The following CRMP1 variants were observed in gnomAD, a reference collection of about 807,000 sequenced individuals.
CRMP1 encodes the protein dihydropyrimidinase-related protein 1.
A neutral mutation model predicts 68.3 loss-of-function variants in CRMP1; 19 were observed. That is an observed-to-expected ratio of 0.28 (90% CI 0.19 to 0.41). The LOEUF is 0.41. Among genes scored for constraint, CRMP1 ranks in the 10% least tolerant of loss-of-function variants. The pLI, the probability that CRMP1 is intolerant of heterozygous loss-of-function variation, is 1.00. For missense variants in CRMP1, 791 were observed against 967.4 expected (o/e 0.82, Z 2.42); for synonymous variants, 439 against 399.6 (o/e 1.10, Z -1.18).
In CRMP1 at chr4:5,851,400, G is replaced by A. The variant is rs759795106; in HGVS notation, c.882+8C>T. 6.2e-7 allele frequency: 1 copy of A among 1,613,762 alleles called. No individual in the cohort carries two copies. Among genetic ancestry groups the A allele is most frequent in the Admixed American group, 1.7e-5 (1 of 60,026 alleles). On this transcript the variant is annotated splice_region_variant and intron_variant, in intron 5 of 13. Coordinates refer to ENST00000324989, the MANE Select transcript of CRMP1 (RefSeq NM_001014809.3). Reference sequence around the variant, plus strand: ...CAAGAGAGGAGAGAGTGAGTGTGAGGGACCTACCTGGCTGTCGGACATTTG... The same window carrying A: ...CAAGAGAGGAGAGAGTGAGTGTGAGAGACCTACCTGGCTGTCGGACATTTG...
intron 12 of CRMP1, 166 bp downstream of exon 12, chr4:5,828,323 C>T (rs776139222): frequency 2.1e-5 from 21 of 981,858 alleles, no homozygotes; most frequent in Non-Finnish European, 2.3e-5. Flanking sequence ...CTCCTGTCCT[C>T]AGACAGGAGC....
Position 5,861,281 on chromosome 4 carries a change from C to T in CRMP1, c.471-71G>A, listed in dbSNP as rs534671106. On this transcript the variant is annotated intron_variant, in intron 2 of 13. Coordinates refer to ENST00000324989, the MANE Select transcript of CRMP1 (RefSeq NM_001014809.3). The surrounding 1 kb of genome is among the most constrained non-coding windows in gnomAD (Gnocchi z 6.0). ...AGAATGGGCAGTCAACCCGCAGCTTCAGTTCCATGAAATAAACATTTCTGA... is the reference window on the plus strand; with the variant it reads ...AGAATGGGCAGTCAACCCGCAGCTTTAGTTCCATGAAATAAACATTTCTGA... 2.4e-4 allele frequency: 350 copies of T among 1,467,252 alleles called. 1 individual carries two copies. The African/African-American group carries it at 3.4e-3, about 14-fold the overall frequency. 90.9% of individuals were successfully genotyped at this position (1,467,252 alleles called of 1,614,324 possible). A position where few individuals can be genotyped will look rare whatever the true frequency, so the allele number is the denominator to read the frequency against.
In CRMP1 at chr4:5,855,412, G is replaced by A. The variant is rs1030184167; in HGVS notation, c.820+731C>T. On this transcript the variant is annotated intron_variant, in intron 4 of 13. Coordinates refer to ENST00000324989, the MANE Select transcript of CRMP1 (RefSeq NM_001014809.3). This position sits in a 1 kb window ranked among gnomAD's most constrained non-coding sequence, Gnocchi z 4.9. ...GCCCCTTTCTGGACAGATCGCTCAT[G>A]CCCTGTCTCTTTCCATTCTGCTGTT... 3.3e-5 allele frequency among the ~76,000 whole-genome samples: 5 copies of A among 152,180 alleles called. No homozygotes were observed. Among genetic ancestry groups the A allele is most frequent in the Non-Finnish European group, 5.9e-5 (4 of 68,042 alleles).
rs561749148 is a variant in CRMP1 at position 5,843,616 on chromosome 4, C to T, written c.964-455G>A. On this transcript the variant is annotated intron_variant, in intron 6 of 13. Coordinates refer to ENST00000324989, the MANE Select transcript of CRMP1 (RefSeq NM_001014809.3). The surrounding 1 kb of genome is among the most constrained non-coding windows in gnomAD (Gnocchi z 4.1). ...GGGAGTCCAGATCCAGAACAGCCGTCTCTGTGACTTTGGGCAGGTTGGTCA... is the reference window on the plus strand; with the variant it reads ...GGGAGTCCAGATCCAGAACAGCCGTTTCTGTGACTTTGGGCAGGTTGGTCA... Among the ~76,000 whole-genome samples the T allele has an allele frequency of 1.3e-3, 199 of 152,294 alleles. No homozygotes were observed. Among genetic ancestry groups the T allele is most frequent in the African/African-American group, 4.5e-3 (187 of 41,576 alleles).
chr4:5,828,762 C>G, intron 11 of CRMP1, 94 bp from the exon 12 acceptor site: 1 of 1,407,098 alleles, frequency 7.1e-7, no homozygotes, highest in Non-Finnish European at 9.6e-7. Flanking sequence ...ATATCATAAG[C>G]GTGTTCCAAT....
intron 12 of CRMP1, chr4:5,826,033 G>A (rs975744025): frequency 2.3e-5 from 7 of 305,352 alleles, no homozygotes; most frequent in African/African-American, 1.4e-4. Flanking sequence ...ATCACATACA[G>A]ATCTTCACAA....
chr4:5,835,599 G>A (rs1399563834), intron 11 of CRMP1, among the ~76,000 whole-genome samples: 3 of 152,090 alleles, frequency 2.0e-5, no homozygotes, highest in African/African-American at 7.2e-5. Flanking sequence ...ACTTTCCCTC[G>A]CTGAGCCCTG....
rs1715118101 is a variant in CRMP1, at chr4:5,879,911, A to C, written c.381+12678T>G. Among the ~76,000 whole-genome samples, 1 of 152,224 alleles carries C rather than the reference A, an allele frequency of 6.6e-6. No homozygotes were observed. The highest frequency in any genetic ancestry group is 6.5e-5 in the Admixed American group (1 of 15,284). On this transcript the variant is annotated intron_variant, in intron 1 of 13. Transcript: ENST00000324989. The surrounding 1 kb of genome is among the most constrained non-coding windows in gnomAD (Gnocchi z 4.2). ...AATGAAAGAAAGTAAAGGAAAACCTAACACCGTATGCGGAAATCATGATAG... is the reference window on the plus strand; with the variant it reads ...AATGAAAGAAAGTAAAGGAAAACCTCACACCGTATGCGGAAATCATGATAG...
chr4:5,827,401 T>G (rs1338387765), intron 12 of CRMP1, among the ~76,000 whole-genome samples: 2 of 152,176 alleles, frequency 1.3e-5, no homozygotes, highest in South Asian at 2.1e-4. Flanking sequence ...TCTGTGCGAC[T>G]TGGTGTCTTT....
At chr4:5,824,795 G>A in intron 13 of CRMP1, 1 of 985,072 alleles carries the variant, frequency 1.0e-6, no homozygotes, top group Non-Finnish European at 1.2e-6. Flanking sequence ...GCCTCAAAGA[G>A]TTTGCAGGAC....
At chr4:5,833,159 CTTTTTT>C (rs1160531301) in intron 11 of CRMP1, among the ~76,000 whole-genome samples, 3 of 84,636 alleles carry the variant, frequency 3.5e-5, no homozygotes, top group East Asian at 2.9e-4. Context: ...CCTTCCAGAA[CTTTTTT>C]TTTTTTTTTT....
At position 5,872,376 on chromosome 4, in the gene CRMP1, T is replaced by G. The variant is rs116484690; in HGVS notation, c.382-5620A>C. Among the ~76,000 whole-genome samples the G allele has an allele frequency of 0.02, 3,015 of 152,306 alleles. 58 individuals are homozygous for G. The highest frequency in any genetic ancestry group is 0.047 in the South Asian group (227 of 4,824). On this transcript the variant is annotated intron_variant, in intron 1 of 13. Transcript: ENST00000324989. This position sits in a 1 kb window ranked among gnomAD's most constrained non-coding sequence, Gnocchi z 4.6. Reference sequence around the variant, plus strand: ...ACAGCAGATGTGAACAATGGTACGCTCTGCACAAACATTATTATGTATAAC... The same window carrying G: ...ACAGCAGATGTGAACAATGGTACGCGCTGCACAAACATTATTATGTATAAC...
intron 4 of CRMP1, among the ~76,000 whole-genome samples, chr4:5,851,977 G>GGAGGAA (rs1016782808): frequency 6.7e-6 from 1 of 150,026 alleles, no homozygotes; most frequent in African/African-American, 2.4e-5. Flanking sequence ...AGGAAGAGGA[G>GGAGGAA]GAGGAAGAGG....
intron 12 of CRMP1, among the ~76,000 whole-genome samples, chr4:5,827,632 A>T (rs1719855662): frequency 6.6e-6 from 1 of 151,604 alleles, no homozygotes; most frequent in South Asian, 2.1e-4. Flanking sequence ...ACACACACAC[A>T]CTCCAACACA....
chr4:5,872,681 C>T lies in CRMP1; in HGVS notation c.382-5925G>A, dbSNP rs1714541187. ...CAGCCTGGGCAACAGAGCGAGACTC[C>T]ATCTCAAAAAACAATTATTATGTAT... On this transcript the variant is annotated intron_variant, in intron 1 of 13. Transcript: ENST00000324989. This position sits in a 1 kb window ranked among gnomAD's most constrained non-coding sequence, Gnocchi z 4.6. Among the ~76,000 whole-genome samples the T allele has an allele frequency of 1.3e-5, 2 of 152,208 alleles. No homozygotes were observed. Among genetic ancestry groups the T allele is most frequent in the South Asian group, 4.1e-4 (2 of 4,820 alleles).
At chr4:5,839,230 T>G (rs1231116870) in intron 9 of CRMP1, among the ~76,000 whole-genome samples, 1 of 152,166 alleles carries the variant, frequency 6.6e-6, no homozygotes, top group Admixed American at 6.5e-5. Flanking sequence ...CCATCCCTGA[T>G]CCTGAGTGCT....
At position 5,870,364 on chromosome 4, in the gene CRMP1, A is replaced by T. The variant is rs1236174614; in HGVS notation, c.382-3608T>A. 6.6e-6 allele frequency among the ~76,000 whole-genome samples: 1 copy of T among 152,248 alleles called. No homozygotes were observed. Among genetic ancestry groups the T allele is most frequent in the East Asian group, 1.9e-4 (1 of 5,190 alleles). Reference sequence around the variant, plus strand: ...TCTAAAATGTAACTTGCCACACTGGAATCACAGCTTTGGTGTGTTACCCCA... The same window carrying T: ...TCTAAAATGTAACTTGCCACACTGGTATCACAGCTTTGGTGTGTTACCCCA... On this transcript the variant is annotated intron_variant, in intron 1 of 13. Coordinates refer to ENST00000324989, the MANE Select transcript of CRMP1 (RefSeq NM_001014809.3). This position sits in a 1 kb window ranked among gnomAD's most constrained non-coding sequence, Gnocchi z 6.0.
At chr4:5,831,654 C>G (rs1720388764) in intron 11 of CRMP1, among the ~76,000 whole-genome samples, 1 of 152,176 alleles carries the variant, frequency 6.6e-6, no homozygotes, top group Non-Finnish European at 1.5e-5. Context: ...GCTGTCCCTA[C>G]TCCTGGGTGA....
chr4:5,851,969 G>C (rs1227366406), intron 4 of CRMP1, among the ~76,000 whole-genome samples: 3 of 16,632 alleles, frequency 1.8e-4, no homozygotes, highest in African/African-American at 3.6e-4. Flanking sequence ...GGAGGAAGAG[G>C]AAGAGGAGGA....
Sources: gnomAD v4.1 joint callset for allele counts (sites outside exome capture counted in the v4.1 genomes callset) on GRCh38, gnomAD v4.1.1 for gene constraint, Gnocchi (gnomAD v3.1) non-coding constraint, MANE v1.5 for transcripts, NCBI Gene and HGNC (gene_info 2026-07-23, HGNC 2026-07-21) for gene names.